The following SYNDIG1L variants were observed in gnomAD, a reference collection of about 807,000 sequenced individuals.
The protein encoded by SYNDIG1L is synapse differentiation-inducing gene protein 1-like.
A neutral mutation model predicts 20.1 loss-of-function variants in SYNDIG1L; 13 were observed. The observed-to-expected ratio is 0.65, with a 90% CI of 0.42 to 1.03. The LOEUF (loss-of-function observed/expected upper bound fraction) is 1.03, where lower values mean the gene tolerates loss of function less well. Among genes scored for constraint, SYNDIG1L ranks in the 50% least tolerant of loss-of-function variants. The pLI is 0.00. For synonymous variants in SYNDIG1L, 128 were observed against 129.3 expected (o/e 0.99, Z 0.07); for missense variants, 294 against 305.1 (o/e 0.96, Z 0.27).
In SYNDIG1L at chr14:74,409,685, A is replaced by G. The variant is rs754788648; in HGVS notation, c.60T>C (p.His20=). ...PLLPRSPAHL[H]GPYPYPETPP... ...GGGTCTCCGGGTAGGGATAGGGGCCATGGAGATGGGCAGGGCTCCTGGGCA... is the reference window on the plus strand; with the variant it reads ...GGGTCTCCGGGTAGGGATAGGGGCCGTGGAGATGGGCAGGGCTCCTGGGCA... Residue 20 remains histidine, a synonymous_variant, in exon 2 of 4, where the codon CAT becomes CAC. Coordinates refer to ENST00000331628, the MANE Select transcript of SYNDIG1L (RefSeq NM_001105579.2). 207 of 1,482,198 alleles carry G rather than the reference A, an allele frequency of 1.4e-4. 1 individual carries two copies. Among genetic ancestry groups the G allele is most frequent in the Non-Finnish European group, 1.3e-4 (150 of 1,116,020 alleles). The allele number at this position is 1,482,198 out of a possible 1,614,324, so 91.8% of individuals were successfully genotyped here.
the SYNDIG1L span, among the ~76,000 whole-genome samples, chr14:74,432,526 G>A: frequency 6.6e-6 from 1 of 152,322 alleles, no homozygotes; most frequent in Middle Eastern, 3.4e-3. Context: ...GCCAGGTTGG[G>A]CACTGGAGAG....
chr14:74,412,587 C>T (rs1275856476), intron 1 of SYNDIG1L, among the ~76,000 whole-genome samples: 3 of 152,138 alleles, frequency 2.0e-5, no homozygotes, highest in East Asian at 1.9e-4. Flanking sequence ...TTTTGAGGGT[C>T]GGGGGTAGGT....
the SYNDIG1L span, among the ~76,000 whole-genome samples, chr14:74,434,127 G>A: frequency 1.3e-5 from 2 of 152,156 alleles, no homozygotes; most frequent in African/African-American, 4.8e-5. Context: ...ATGCTATTAA[G>A]GGTTGTCCCT....
chr14:74,421,179 G>T (rs1181476838), intron 1 of SYNDIG1L, among the ~76,000 whole-genome samples: 2 of 152,068 alleles, frequency 1.3e-5, no homozygotes, highest in Non-Finnish European at 2.9e-5. Flanking sequence ...ACAATAACAG[G>T]CTGCTATGAA....
rs144143012 is a variant in SYNDIG1L, at chr14:74,408,672, C to T, written c.417+656G>A. On this transcript the variant is annotated intron_variant, in intron 2 of 3. Transcript: ENST00000331628. ...AAGACCATGTAACCATTAACAATCA[C>T]CTCTCAGGAATACATTAAATTACAT... Among the ~76,000 whole-genome samples the T allele has an allele frequency of 3.4e-4, 51 of 152,050 alleles. No individual in the cohort carries two copies. In the East Asian group the frequency reaches 8.9e-3, roughly 27 times the overall value.
chr14:74,433,114 G>A, the SYNDIG1L span, among the ~76,000 whole-genome samples: 2 of 152,140 alleles, frequency 1.3e-5, no homozygotes, highest in African/African-American at 4.8e-5. Flanking sequence ...GGCGCTAGGA[G>A]AACAATCATT....
chr14:74,461,555 G>A, the SYNDIG1L span, among the ~76,000 whole-genome samples: 5 of 151,920 alleles, frequency 3.3e-5, no homozygotes, highest in Non-Finnish European at 5.9e-5. Flanking sequence ...CCACCTGCCC[G>A]AAAACCTCAT....
upstream of SYNDIG1L, among the ~76,000 whole-genome samples, chr14:74,428,301 AACC>A (rs2086281012): frequency 6.6e-6 from 1 of 152,246 alleles, no homozygotes; most frequent in Non-Finnish European, 1.5e-5. Flanking sequence ...CCGGGAAACT[AACC>A]TTTACCTCTC....
chr14:74,417,789 G>A (rs566367637), intron 1 of SYNDIG1L, among the ~76,000 whole-genome samples: 2 of 152,262 alleles, frequency 1.3e-5, no homozygotes, highest in South Asian at 4.1e-4. Flanking sequence ...GTGAGGAGTT[G>A]ATCTTGAATG....
chr14:74,456,724 A>T, the SYNDIG1L span, among the ~76,000 whole-genome samples: 8 of 151,952 alleles, frequency 5.3e-5, no homozygotes, highest in Admixed American at 1.3e-4. Flanking sequence ...GCTGGAAACC[A>T]CTGTCCAGGA....
the SYNDIG1L span, among the ~76,000 whole-genome samples, chr14:74,438,874 G>A: frequency 1.3e-5 from 2 of 152,140 alleles, no homozygotes; most frequent in Admixed American, 6.6e-5. Flanking sequence ...CCATTTTGCA[G>A]GTGAGGAAAC....
At chr14:74,440,521 A>C in the SYNDIG1L span, among the ~76,000 whole-genome samples, 3 of 139,480 alleles carry the variant, frequency 2.2e-5, no homozygotes, top group African/African-American at 5.5e-5. Context: ...TCTCATAAAA[A>C]AAAAAAAAAA....
chr14:74,428,203 A>G (rs2086280412), upstream of SYNDIG1L, among the ~76,000 whole-genome samples: 1 of 152,210 alleles, frequency 6.6e-6, no homozygotes, highest in African/African-American at 2.4e-5. Flanking sequence ...TTATAATTCA[A>G]TAGCTCTGAA....
In SYNDIG1L at chr14:74,406,228, A is replaced by C. The variant is rs1357977818; in HGVS notation, c.*1307T>G. 2.5e-6 allele frequency: 1 copy of C among 397,270 alleles called. No homozygotes were observed. The highest frequency in any genetic ancestry group is 4.4e-6 in the Non-Finnish European group (1 of 225,806). 24.6% of individuals were successfully genotyped at this position (397,270 alleles called of 1,614,324 possible). On this transcript the variant is annotated 3_prime_UTR_variant, in exon 4 of 4. Coordinates refer to ENST00000331628, the MANE Select transcript of SYNDIG1L (RefSeq NM_001105579.2). ...GAGACTGGCACTGAGCAGAGATATC[A>C]GTGAAGATGCCCCAGGGGTAACCAG...
upstream of SYNDIG1L, among the ~76,000 whole-genome samples, chr14:74,426,281 T>G (rs1017482164): frequency 6.6e-6 from 1 of 152,078 alleles, no homozygotes; most frequent in Non-Finnish European, 1.5e-5. Context: ...GCTTCCGTGC[T>G]CCGTGCTCCC....
chr14:74,419,852 ACAAAAGCAT>A (rs1396704978), intron 1 of SYNDIG1L, among the ~76,000 whole-genome samples: 66 of 152,316 alleles, frequency 4.3e-4, no homozygotes, highest in Non-Finnish European at 8.2e-4. Context: ...AGGTTATAGC[ACAAAAGCAT>A]GGGGTAGTGA....
chr14:74,410,508 A>T (rs1304003711), intron 1 of SYNDIG1L, among the ~76,000 whole-genome samples: 2 of 152,138 alleles, frequency 1.3e-5, no homozygotes, highest in Non-Finnish European at 2.9e-5. Context: ...AGCCTTCCCC[A>T]TGCCTGTGTG....
the SYNDIG1L span, among the ~76,000 whole-genome samples, chr14:74,449,617 A>G: frequency 2.1e-4 from 32 of 150,574 alleles, no homozygotes; most frequent in African/African-American, 7.8e-4. Context: ...CCTTAAAAAA[A>G]AAAAAAGAAA....
chr14:74,422,914 G>A (rs1327212880), intron 1 of SYNDIG1L, among the ~76,000 whole-genome samples: 8 of 151,818 alleles, frequency 5.3e-5, no homozygotes, highest in African/African-American at 1.9e-4. Flanking sequence ...GGCCAGGCTG[G>A]TCTCGAACTC....
Sources: gnomAD v4.1 joint callset for allele counts (sites outside exome capture counted in the v4.1 genomes callset) on GRCh38, gnomAD v4.1.1 for gene constraint, MANE v1.5 for transcripts, NCBI Gene and HGNC (gene_info 2026-07-23, HGNC 2026-07-21) for gene names.